Variants in DOCK1 observed in about 807,000 individuals in gnomAD.
The protein encoded by DOCK1 is dedicator of cytokinesis 1, also known as dedicator of cytokinesis protein 1.
A neutral mutation model predicts 262.7 loss-of-function variants in DOCK1; 138 were observed. That is an observed-to-expected ratio of 0.53 (90% CI 0.46 to 0.61). The LOEUF is 0.61. Ranked by LOEUF, DOCK1 falls within the 20% of genes least tolerant of loss-of-function variation. The pLI, the probability that DOCK1 is intolerant of heterozygous loss-of-function variation, is 0.00. For missense variants in DOCK1, 1,908 were observed against 2,370.7 expected (o/e 0.80, Z 4.05); for synonymous variants, 866 against 867.4 (o/e 1.00, Z 0.03).
chr10:127,200,514 G>T (rs970496476), intron 27 of DOCK1, among the ~76,000 whole-genome samples: 2 of 152,096 alleles, frequency 1.3e-5, no homozygotes, highest in African/African-American at 2.4e-5. Flanking sequence ...CATCTCCCAT[G>T]TTCAAGCAAT....
intron 29 of DOCK1, among the ~76,000 whole-genome samples, chr10:127,330,117 T>C (rs2062913030): frequency 6.6e-6 from 1 of 152,174 alleles, no homozygotes; most frequent in Admixed American, 6.5e-5. Context: ...GTCTTTTCAA[T>C]CAACACATTT....
intron 1 of DOCK1, among the ~76,000 whole-genome samples, chr10:126,931,483 G>A (rs1219557968): frequency 6.6e-6 from 1 of 151,926 alleles, no homozygotes; most frequent in African/African-American, 2.4e-5. Context: ...TCAGGAGCCC[G>A]AGCTGAGCTG....
chr10:127,276,512 G>A (rs924083066), intron 29 of DOCK1, among the ~76,000 whole-genome samples: 3 of 152,170 alleles, frequency 2.0e-5, no homozygotes, highest in South Asian at 2.1e-4. Flanking sequence ...TCCTTCTCTC[G>A]CCACCCGTGC....
chr10:127,391,700 G>C (rs904275122), intron 38 of DOCK1, among the ~76,000 whole-genome samples: 1 of 151,914 alleles, frequency 6.6e-6, no homozygotes, highest in Non-Finnish European at 1.5e-5. Flanking sequence ...TGAACAACTC[G>C]GGCCTCTGGG....
chr10:127,381,565 T>A (rs2065825435), intron 37 of DOCK1, among the ~76,000 whole-genome samples, 197 bp downstream of exon 37: 1 of 152,214 alleles, frequency 6.6e-6, no homozygotes. Flanking sequence ...TGAATGCAGA[T>A]TTAATTAGAT....
At chr10:127,279,209 A>G (rs1328453262) in intron 29 of DOCK1, among the ~76,000 whole-genome samples, 1 of 152,224 alleles carries the variant, frequency 6.6e-6, no homozygotes, top group Non-Finnish European at 1.5e-5. Flanking sequence ...TGGATTTCTC[A>G]CAAATTATTA....
At chr10:127,039,153 C>T (rs1283958660) in intron 19 of DOCK1, among the ~76,000 whole-genome samples, 1 of 152,210 alleles carries the variant, frequency 6.6e-6, no homozygotes, top group East Asian at 1.9e-4. Flanking sequence ...TATAACTCTT[C>T]AGACATATAC....
At chr10:127,342,779 G>A (rs372576060) in intron 30 of DOCK1, among the ~76,000 whole-genome samples, 213 of 123,160 alleles carry the variant, frequency 1.7e-3, no homozygotes, top group African/African-American at 5.0e-3. Context: ...CTTTTAAACC[G>A]CATATATGTA....
intron 29 of DOCK1, among the ~76,000 whole-genome samples, chr10:127,271,716 G>A (rs1275794253): frequency 6.6e-6 from 1 of 152,238 alleles, no homozygotes; most frequent in Non-Finnish European, 1.5e-5. Flanking sequence ...TCAACAGGCA[G>A]TGACTGTGTA....
chr10:127,017,495 A>T (rs977498880), intron 12 of DOCK1, among the ~76,000 whole-genome samples: 16 of 127,012 alleles, frequency 1.3e-4, no homozygotes, highest in African/African-American at 4.7e-4. Context: ...ACACAGATAC[A>T]CAGAGACACA....
chr10:127,438,038 TC>T lies in DOCK1; in HGVS notation c.5061-987del, dbSNP rs1230126704. On this transcript the variant is annotated intron_variant, in intron 48 of 51. Transcript: ENST00000623213. ...TAAGATCCTAGTAACAGCACTGCCTTCCACGTGAGTTATGCTATATGGTTTT... is the reference window on the plus strand; with the variant it reads ...TAAGATCCTAGTAACAGCACTGCCTTCACGTGAGTTATGCTATATGGTTTT... Among the ~76,000 whole-genome samples, 3 of 152,198 alleles carry T rather than the reference TC, an allele frequency of 2.0e-5. No homozygotes were observed. The East Asian group carries it at 5.8e-4, about 29-fold the overall frequency.
Position 127,082,814 on chromosome 10 carries a change from C to T in DOCK1, c.2445+21038C>T, listed in dbSNP as rs189728867. 3.4e-3 allele frequency among the ~76,000 whole-genome samples: 522 copies of T among 152,274 alleles called. 3 individuals carry two copies. Among genetic ancestry groups the T allele is most frequent in the Non-Finnish European group, 5.2e-3 (357 of 68,014 alleles). The stretch of plus-strand genomic sequence containing the variant: ...ACCTAGCCCTGGGGAGCCCGATTCC[C>T]TCCTCACACTCCCTTGGCTCCCTTC... On this transcript the variant is annotated intron_variant, in intron 23 of 51. Coordinates refer to ENST00000623213, the MANE Select transcript of DOCK1 (RefSeq NM_001290223.2).
intron 25 of DOCK1, among the ~76,000 whole-genome samples, chr10:127,114,957 G>T (rs995023773): frequency 6.6e-6 from 1 of 151,952 alleles, no homozygotes; most frequent in African/African-American, 2.4e-5. Context: ...CGGTTTCACC[G>T]TGTTGGCTGG....
intron 27 of DOCK1, among the ~76,000 whole-genome samples, chr10:127,149,019 C>G (rs1009602014): frequency 6.6e-6 from 1 of 152,068 alleles, no homozygotes; most frequent in Non-Finnish European, 1.5e-5. Flanking sequence ...AATCCTCTGC[C>G]GAAGAAGTGT....
In DOCK1 at chr10:127,419,659, C is replaced by T. The variant is rs767927766; in HGVS notation, c.4693-7C>T. ...GTGCACTGAGCAACTCTCCTTGTCT[C>T]CACCAGGCCTTCTTTACAGACCGGT... On this transcript the variant is annotated splice_region_variant and splice_polypyrimidine_tract_variant and intron_variant, in intron 45 of 51. Coordinates refer to ENST00000623213, the MANE Select transcript of DOCK1 (RefSeq NM_001290223.2). 6.3e-7 allele frequency: 1 copy of T among 1,598,344 alleles called. No individual in the cohort carries two copies. The highest frequency in any genetic ancestry group is 8.5e-7 in the Non-Finnish European group (1 of 1,172,032).
rs1461119848 is a variant in DOCK1, at chr10:127,008,805, G to A, written c.1058+1G>A. 3.1e-6 allele frequency: 5 copies of A among 1,596,406 alleles called. No individual in the cohort carries two copies. The highest frequency in any genetic ancestry group is 1.7e-5 in the Admixed American group (1 of 57,694). ...AGCAGCATTTCATTCCCTTTCAGCC[G>A]TAAGTATGGAGCAATTCAAGTACTT... is the stretch of plus-strand genomic sequence containing the variant. On this transcript the variant is annotated splice_donor_variant, in intron 11 of 51. Coordinates refer to ENST00000623213, the MANE Select transcript of DOCK1 (RefSeq NM_001290223.2). LOFTEE classifies it high-confidence loss of function.
chr10:127,228,954 C>T (rs367661054), intron 27 of DOCK1, among the ~76,000 whole-genome samples: 3 of 152,186 alleles, frequency 2.0e-5, no homozygotes, highest in South Asian at 2.1e-4. Flanking sequence ...CGTCTTTGGC[C>T]GGGTGCAGTG....
chr10:127,284,368 T>A (rs2135307517), intron 29 of DOCK1, among the ~76,000 whole-genome samples: 1 of 152,360 alleles, frequency 6.6e-6, no homozygotes, highest in South Asian at 2.1e-4. Context: ...ACCCTCCCTC[T>A]ATAAATTTGA....
At chr10:127,442,713 C>G (rs1184065231) in intron 49 of DOCK1, among the ~76,000 whole-genome samples, 1 of 152,188 alleles carries the variant, frequency 6.6e-6, no homozygotes, top group Non-Finnish European at 1.5e-5. Context: ...TCAGCCAATT[C>G]CTAGACTTTC....
Sources: allele counts gnomAD v4.1 joint callset (sites outside exome capture counted in the v4.1 genomes callset), GRCh38; gene constraint gnomAD v4.1.1; transcripts MANE v1.5; gene names NCBI Gene and HGNC (gene_info 2026-07-23, HGNC 2026-07-21).